The following RAP1GAP2 variants were observed in gnomAD, a reference collection of about 807,000 sequenced individuals.
The protein encoded by RAP1GAP2 is RAP1 GTPase activating protein 2, also known as rap1 GTPase-activating protein 2.
Under a neutral mutation model 95.0 loss-of-function variants are expected in RAP1GAP2, and 27 were observed. The observed-to-expected ratio is 0.28, with a 90% CI of 0.21 to 0.39. RAP1GAP2 has a LOEUF of 0.39. RAP1GAP2 is among the 10% of genes least tolerant of loss of function. The probability of loss-of-function intolerance (pLI) is 1.00; values close to 1 mark genes in which losing one functional copy is unlikely to be tolerated. For synonymous variants in RAP1GAP2, 373 were observed against 380.9 expected (o/e 0.98, Z 0.24); for missense variants, 771 against 970.0 (o/e 0.79, Z 2.72).
chr17:2,966,966 G>A (rs1027906097), intron 8 of RAP1GAP2, among the ~76,000 whole-genome samples: 4 of 152,174 alleles, frequency 2.6e-5, no homozygotes, highest in African/African-American at 9.7e-5. Context: ...TGCCGGGCAC[G>A]CAACACGCAC....
chr17:3,007,903 G>T, intron 16 of RAP1GAP2, 108 bp from the exon 17 acceptor site: 1 of 1,361,320 alleles, frequency 7.3e-7, no homozygotes, highest in South Asian at 1.4e-5. Flanking sequence ...TGCTGGGCCG[G>T]GCTGGGCAGA....
intron 3 of RAP1GAP2, among the ~76,000 whole-genome samples, chr17:2,939,982 C>T (rs756287425): frequency 1.1e-4 from 16 of 152,256 alleles, no homozygotes; most frequent in South Asian, 4.1e-4. Flanking sequence ...CAGCCGCCGC[C>T]GTGGTGGTAG....
In RAP1GAP2 at chr17:2,867,504, G is replaced by T. The variant is rs1477116660; in HGVS notation, c.81-37780G>T. 6.6e-6 allele frequency among the ~76,000 whole-genome samples: 1 copy of T among 152,142 alleles called. No homozygotes were observed. Among genetic ancestry groups the T allele is most frequent in the Non-Finnish European group, 1.5e-5 (1 of 68,022 alleles). On this transcript the variant is annotated intron_variant, in intron 2 of 24. Transcript: ENST00000254695. The surrounding 1 kb of genome is among the most constrained non-coding windows in gnomAD (Gnocchi z 4.5). The stretch of plus-strand genomic sequence containing the variant: ...ACCCACTTAGCAATACCAACAGGAA[G>T]AGCAAATCTGTTTCCCAATCATTTC...
intron 11 of RAP1GAP2, among the ~76,000 whole-genome samples, chr17:2,990,569 C>T (rs950166758): frequency 1.3e-5 from 2 of 152,162 alleles, no homozygotes; most frequent in East Asian, 1.9e-4. Flanking sequence ...GGTGACTCTG[C>T]GTTTAGCTTT....
In RAP1GAP2 at chr17:3,006,000, G is replaced by T; in HGVS notation, c.1318G>T (p.Glu440Ter). 6.2e-7 allele frequency: 1 copy of T among 1,613,898 alleles called. No homozygotes were observed. The highest frequency in any genetic ancestry group is 8.5e-7 in the Non-Finnish European group (1 of 1,179,860). The change falls in exon 16 of 25, where the codon GAG (glutamate) becomes TAG (stop). Residue 440 changes from glutamate to a stop codon, truncating the protein, a stop_gained. Transcript: ENST00000254695. LOFTEE classifies it high-confidence loss of function. This position sits in a 1 kb window ranked among gnomAD's most constrained non-coding sequence, Gnocchi z 5.2. ...EFLLTKLTNA[E>*]NACCKSDKFA... ...TCTGCTCACCAAGCTCACCAATGCC[G>T]AGAACGCCTGCTGCAAGTCGGACAA... is the stretch of plus-strand genomic sequence containing the variant.
At chr17:2,774,735 T>C (rs1443649315), upstream of RAP1GAP2, among the ~76,000 whole-genome samples, 1 of 151,632 alleles carries the variant, frequency 6.6e-6, no homozygotes, top group South Asian at 2.1e-4. Context: ...CCTCCCAAAG[T>C]GCTGGGATTA....
Position 3,008,253 on chromosome 17 carries a change from G to A in RAP1GAP2, c.1494+108G>A. 1.3e-6 allele frequency: 2 copies of A among 1,503,158 alleles called. No homozygotes were observed. Among genetic ancestry groups the A allele is most frequent in the Non-Finnish European group, 1.8e-6 (2 of 1,105,888 alleles). The allele number at this position is 1,503,158 out of a possible 1,614,324, so 93.1% of individuals were successfully genotyped here. ...GATCCCAGAGCCCAAGGGCCAGCTG[G>A]AGGGGTGACAGGAAACGTATGGGTA... On this transcript the variant is annotated intron_variant, in intron 17 of 24. Coordinates refer to ENST00000254695, the MANE Select transcript of RAP1GAP2 (RefSeq NM_015085.5). This position sits in a 1 kb window ranked among gnomAD's most constrained non-coding sequence, Gnocchi z 4.2.
intron 1 of RAP1GAP2, chr17:2,800,269 G>C (rs2069227854): frequency 1.0e-6 from 1 of 965,480 alleles, no homozygotes; most frequent in South Asian, 4.8e-5. Flanking sequence ...TCTGAGCCTG[G>C]GTTTCCTCAT....
chr17:2,947,354 C>T (rs188261001), intron 3 of RAP1GAP2, among the ~76,000 whole-genome samples: 5 of 152,148 alleles, frequency 3.3e-5, no homozygotes, highest in African/African-American at 1.2e-4. Context: ...GTTGGCCATC[C>T]AGGGTGAGGG....
At chr17:2,872,373 G>A (rs753090236) in intron 2 of RAP1GAP2, among the ~76,000 whole-genome samples, 52 of 152,112 alleles carry the variant, frequency 3.4e-4, no homozygotes, top group Non-Finnish European at 2.4e-4. Context: ...AGGCACATCC[G>A]AGGGGAGTGG....
chr17:2,896,891 G>A (rs1224110718), intron 2 of RAP1GAP2, among the ~76,000 whole-genome samples: 1 of 152,204 alleles, frequency 6.6e-6, no homozygotes, highest in Admixed American at 6.5e-5. Context: ...AGGGTCCTGC[G>A]CAGGGTGTAG....
chr17:2,793,450 G>A (rs998430917), upstream of RAP1GAP2, among the ~76,000 whole-genome samples: 11 of 152,134 alleles, frequency 7.2e-5, no homozygotes, highest in African/African-American at 9.7e-5. Flanking sequence ...CACTGCACCC[G>A]GCCTGCAACA....
At chr17:2,921,704 G>T (rs1002635935) in intron 3 of RAP1GAP2, among the ~76,000 whole-genome samples, 1 of 90,518 alleles carries the variant, frequency 1.1e-5, no homozygotes. Flanking sequence ...CCGCAGGGCC[G>T]TTATGTGTCC....
chr17:2,988,185 G>C (rs1489291451), intron 11 of RAP1GAP2, among the ~76,000 whole-genome samples: 2 of 150,708 alleles, frequency 1.3e-5, no homozygotes, highest in Non-Finnish European at 2.9e-5. Context: ...ACTCCAGCTG[G>C]AGCAACGAGC....
intron 2 of RAP1GAP2, among the ~76,000 whole-genome samples, chr17:2,810,184 G>A (rs920355304): frequency 7.2e-5 from 11 of 152,118 alleles, no homozygotes; most frequent in South Asian, 4.1e-4. Flanking sequence ...TGGACCTTGC[G>A]AGCTTTGTCT....
At chr17:3,031,821 C>G (rs2047316213) in intron 23 of RAP1GAP2, among the ~76,000 whole-genome samples, 1 of 143,210 alleles carries the variant, frequency 7.0e-6, no homozygotes. Context: ...CTGGGTCCCC[C>G]AGTCCCTTCC....
At chr17:2,842,271 G>C (rs1436148705) in intron 2 of RAP1GAP2, among the ~76,000 whole-genome samples, 1 of 152,028 alleles carries the variant, frequency 6.6e-6, no homozygotes, top group Admixed American at 6.6e-5. Context: ...CCAGGTGTGT[G>C]GTGGCTCATG....
chr17:2,967,800 C>T (rs914881371), intron 8 of RAP1GAP2, among the ~76,000 whole-genome samples: 2 of 152,188 alleles, frequency 1.3e-5, no homozygotes, highest in Non-Finnish European at 2.9e-5. Context: ...GACTACTGTC[C>T]AAACTTCTTC....
intron 1 of RAP1GAP2, 66 bp from the exon 2 acceptor site, chr17:2,800,449 A>G (rs370632737): frequency 9.3e-7 from 1 of 1,080,608 alleles, no homozygotes; most frequent in Non-Finnish European, 1.3e-6. Context: ...GGACTCCTCC[A>G]TACAGATGCT....
Sources: allele counts gnomAD v4.1 joint callset (sites outside exome capture counted in the v4.1 genomes callset), GRCh38; gene constraint gnomAD v4.1.1; non-coding constraint Gnocchi (gnomAD v3.1); transcripts MANE v1.5; gene names NCBI Gene and HGNC (gene_info 2026-07-23, HGNC 2026-07-21).